Variants in RNGTT observed in about 807,000 individuals in gnomAD.
RNGTT encodes RNA guanylyltransferase and 5'-phosphatase.
Under a neutral mutation model 79.3 loss-of-function variants are expected in RNGTT, and 33 were observed. The observed-to-expected ratio is 0.42, with a 90% CI of 0.32 to 0.56. RNGTT has a LOEUF of 0.56. RNGTT is among the 20% of genes least tolerant of loss of function. RNGTT has a pLI of 0.17. For missense variants in RNGTT, 497 were observed against 739.1 expected (o/e 0.67, Z 3.80); for synonymous variants, 222 against 235.9 (o/e 0.94, Z 0.54).
chr6:88,810,255 T>TCA (rs1194342254), intron 11 of RNGTT, among the ~76,000 whole-genome samples: 3 of 152,162 alleles, frequency 2.0e-5, no homozygotes, highest in African/African-American at 7.2e-5. Flanking sequence ...AGACCGGACT[T>TCA]CACTGAAGAC....
intron 4 of RNGTT, among the ~76,000 whole-genome samples, chr6:88,907,580 C>T (rs1223634959): frequency 1.3e-5 from 2 of 151,996 alleles, no homozygotes; most frequent in Non-Finnish European, 2.9e-5. Flanking sequence ...TACCCATTCT[C>T]GAGTAGTATC....
intron 1 of RNGTT, among the ~76,000 whole-genome samples, chr6:88,961,337 A>G (rs575936246): frequency 6.6e-6 from 1 of 151,498 alleles, no homozygotes; most frequent in South Asian, 2.2e-4. Context: ...GTGTGTGTGT[A>G]TGTATGTGTG....
At chr6:88,961,713 G>A (rs776125975) in intron 1 of RNGTT, among the ~76,000 whole-genome samples, 2 of 152,204 alleles carry the variant, frequency 1.3e-5, no homozygotes, top group African/African-American at 4.8e-5. Flanking sequence ...ACTATCAAGT[G>A]TTACCACTTT....
intron 14 of RNGTT, among the ~76,000 whole-genome samples, chr6:88,643,826 C>T (rs1314097109): frequency 6.6e-6 from 1 of 152,162 alleles, no homozygotes; most frequent in Non-Finnish European, 1.5e-5. Flanking sequence ...CACAACATAC[C>T]AGAATCTCTG....
chr6:88,832,585 G>C (rs187747563), intron 11 of RNGTT, among the ~76,000 whole-genome samples: 1 of 152,188 alleles, frequency 6.6e-6, no homozygotes, highest in African/African-American at 2.4e-5. Context: ...TTGACAAGTG[G>C]GATCTAATTA....
intron 12 of RNGTT, among the ~76,000 whole-genome samples, chr6:88,781,673 T>C (rs559592853): frequency 6.6e-6 from 1 of 152,258 alleles, no homozygotes; most frequent in Admixed American, 6.5e-5. Context: ...CAAATAAAAG[T>C]ATGCCAGGCA....
intron 12 of RNGTT, among the ~76,000 whole-genome samples, chr6:88,791,169 T>A (rs1279593868): frequency 1.3e-5 from 2 of 150,670 alleles, no homozygotes; most frequent in Non-Finnish European, 1.5e-5. Flanking sequence ...CAATTTTTTT[T>A]AAAAAACAAT....
chr6:88,700,880 T>A lies in RNGTT; in HGVS notation c.1440-22461A>T, dbSNP rs1480011201. 4.6e-5 allele frequency among the ~76,000 whole-genome samples: 7 copies of A among 152,144 alleles called. No homozygotes were observed. In the East Asian group the frequency reaches 1.3e-3, roughly 29 times the overall value. ...AATAATATACATGCTTACTTGATGT[T>A]TAAATTAGTTGCATGCATTAAAAAA... On this transcript the variant is annotated intron_variant, in intron 13 of 15. Coordinates refer to ENST00000369485, the MANE Select transcript of RNGTT (RefSeq NM_003800.5).
chr6:88,850,651 A>G (rs1781641672), intron 9 of RNGTT, among the ~76,000 whole-genome samples: 1 of 152,020 alleles, frequency 6.6e-6, no homozygotes, highest in South Asian at 2.1e-4. Context: ...GTTGTAAGAA[A>G]GCATTACCTA....
chr6:88,925,935 A>G (rs1484646043), intron 4 of RNGTT, among the ~76,000 whole-genome samples: 2 of 152,200 alleles, frequency 1.3e-5, no homozygotes, highest in South Asian at 2.1e-4. Flanking sequence ...TTGATTACGT[A>G]GGTCCAGGAT....
intron 8 of RNGTT, among the ~76,000 whole-genome samples, chr6:88,871,362 T>A (rs1195071330): frequency 6.6e-6 from 1 of 152,150 alleles, no homozygotes; most frequent in Admixed American, 6.6e-5. Context: ...AGTTTTTTTT[T>A]TTTTAAGTAT....
chr6:88,648,905 T>C (rs2127776861), intron 14 of RNGTT, among the ~76,000 whole-genome samples: 1 of 152,326 alleles, frequency 6.6e-6, no homozygotes, highest in South Asian at 2.1e-4. Flanking sequence ...TGAAGGCAGA[T>C]AAAATGTTAC....
chr6:88,761,885 C>T (rs1036918807), intron 13 of RNGTT, among the ~76,000 whole-genome samples: 1 of 152,170 alleles, frequency 6.6e-6, no homozygotes, highest in Non-Finnish European at 1.5e-5. Flanking sequence ...TTCTGGTAAT[C>T]CCCGATGGGT....
intron 13 of RNGTT, among the ~76,000 whole-genome samples, chr6:88,724,964 G>A (rs1476879434): frequency 6.6e-6 from 1 of 152,152 alleles, no homozygotes; most frequent in South Asian, 2.1e-4. Flanking sequence ...TCACGGATAA[G>A]AACCCCTTCC....
At chr6:88,872,492 A>G (rs969511397) in intron 8 of RNGTT, among the ~76,000 whole-genome samples, 1 of 152,228 alleles carries the variant, frequency 6.6e-6, no homozygotes, top group African/African-American at 2.4e-5. Flanking sequence ...ATAGTCAACA[A>G]TAACTTAACT....
At chr6:88,702,894 A>C (rs963016529) in intron 13 of RNGTT, among the ~76,000 whole-genome samples, 1 of 152,192 alleles carries the variant, frequency 6.6e-6, no homozygotes. Context: ...GGCAAAAGAT[A>C]TGAGTAGAGA....
chr6:88,943,564 GA>G (rs200794716), intron 1 of RNGTT, among the ~76,000 whole-genome samples: 27 of 143,038 alleles, frequency 1.9e-4, no homozygotes, highest in Admixed American at 9.1e-4. Context: ...TAGTGAAAAG[GA>G]AAAAAAAAAC....
chr6:88,621,449 G>C (rs1271305750), intron 14 of RNGTT, among the ~76,000 whole-genome samples: 1 of 152,094 alleles, frequency 6.6e-6, no homozygotes, highest in African/African-American at 2.4e-5. Flanking sequence ...AAGTAAAGGA[G>C]GCTAGTATTA....
At chr6:88,686,219 C>T (rs1357139888) in intron 13 of RNGTT, among the ~76,000 whole-genome samples, 1 of 150,972 alleles carries the variant, frequency 6.6e-6, no homozygotes, top group Non-Finnish European at 1.5e-5. Flanking sequence ...ATAAAACTAA[C>T]AAAAGAAGTG....
Sources: gnomAD v4.1 joint callset for allele counts (sites outside exome capture counted in the v4.1 genomes callset) on GRCh38, gnomAD v4.1.1 for gene constraint, MANE v1.5 for transcripts, NCBI Gene and HGNC (gene_info 2026-07-23, HGNC 2026-07-21) for gene names.